KMT2D: variants seen among roughly 807,000 people sequenced by gnomAD.
The protein encoded by KMT2D is lysine methyltransferase 2D.
In KMT2D, 55 loss-of-function variants were observed where a neutral mutation model predicts 512.7. The observed-to-expected ratio is 0.11, with a 90% CI of 0.09 to 0.13. The LOEUF (loss-of-function observed/expected upper bound fraction) is 0.13, where lower values mean the gene tolerates loss of function less well. Ranked by LOEUF, KMT2D falls within the 10% of genes least tolerant of loss-of-function variation. The pLI, the probability that KMT2D is intolerant of heterozygous loss-of-function variation, is 1.00. For synonymous variants in KMT2D, 2,995 were observed against 2,904.0 expected, an observed-to-expected ratio of 1.03 and a Z score of -1.01; for missense variants, 6,061 against 7,127.9, an observed-to-expected ratio of 0.85 and a Z score of 5.39.
Position 49,032,425 on chromosome 12 carries a change from G to A in KMT2D, c.12280C>T (p.Pro4094Ser), listed in dbSNP as rs1942966285. 3.8e-6 allele frequency: 6 copies of A among 1,583,484 alleles called. No individual in the cohort carries two copies. The highest frequency in any genetic ancestry group is 5.2e-6 in the Non-Finnish European group (6 of 1,164,824). ...PQPSSLQLQP[P>S]LRLPGQQQQQ... Reference sequence around the variant, plus strand: ...TGCTGTTGTCCTGGAAGCCTCAGAGGTGGCTGCAGCTGCAGAGAGCTGGGC... The same window carrying A: ...TGCTGTTGTCCTGGAAGCCTCAGAGATGGCTGCAGCTGCAGAGAGCTGGGC... The change falls in exon 40 of 55, where the codon CCT becomes TCT. Residue 4094 changes from proline (P) to serine (S), a missense_variant. By Grantham distance (74) the Pro-to-Ser change is moderately conservative. Coordinates refer to ENST00000301067, the MANE Select transcript of KMT2D (RefSeq NM_003482.4).
In KMT2D at chr12:49,028,938, A is replaced by C. The variant is rs1942746794; in HGVS notation, c.14272T>G (p.Tyr4758Asp). ...SIPVFPDTKP[Y>D]GALGLEVPGK... ...GGGACCTCCAGGCCAAGGGCCCCAT[A>C]AGGTTTGGTATCTGGGAAGACTGAA... The change falls in exon 46 of 55, where the codon TAT (tyrosine) becomes GAT (aspartate). Residue 4758 changes from tyrosine (Y) to aspartate (D), a missense_variant. By Grantham distance (160) the Tyr-to-Asp change is radical. Transcript: ENST00000301067. 6.2e-7 allele frequency: 1 copy of C among 1,613,810 alleles called. No individual in the cohort carries two copies. The highest frequency in any genetic ancestry group is 1.1e-5 in the South Asian group (1 of 91,094).
intron 12 of KMT2D, 104 bp downstream of exon 12, chr12:49,049,578 G>A (rs778196899): frequency 4.7e-4 from 599 of 1,271,984 alleles, no homozygotes; most frequent in Non-Finnish European, 6.0e-4. Context: ...GGATCTCCAA[G>A]TCTAGGATTC....
intron 2 of KMT2D, 83 bp from the exon 3 acceptor site, chr12:49,055,109 A>G: frequency 6.3e-7 from 1 of 1,586,574 alleles, no homozygotes; most frequent in Non-Finnish European, 8.6e-7. Flanking sequence ...GAGATTATCC[A>G]AAACCTGAGT....
Position 49,038,430 on chromosome 12 carries a change from G to A in KMT2D, c.8926C>T (p.Pro2976Ser), listed in dbSNP as rs1160104259. ...CCAGCTTCCAGGGCCAGAGGATTGGGGCGGCCAAGCTCAGTGCTCGACGGG... is the reference window on the plus strand; with the variant it reads ...CCAGCTTCCAGGGCCAGAGGATTGGAGCGGCCAAGCTCAGTGCTCGACGGG... Reference protein sequence around the residue: ...RPPSSTELGRPNPLALEAGKL... With the variant: ...RPPSSTELGRSNPLALEAGKL... Residue 2976 changes from proline to serine, a missense_variant, in exon 35 of 55, where the codon CCC (proline) becomes TCC (serine). This residue lies in a region of KMT2D where 527 missense variants were observed against 578.9 expected (regional missense o/e 0.91). Transcript: ENST00000301067. This position sits in a 1 kb window ranked among gnomAD's most constrained non-coding sequence, Gnocchi z 5.7. 1 of 1,613,210 alleles carries A rather than the reference G, an allele frequency of 6.2e-7. No homozygotes were observed. Among genetic ancestry groups the A allele is most frequent in the East Asian group, 2.2e-5 (1 of 44,876 alleles).
Position 49,050,952 on chromosome 12 carries a change from G to A in KMT2D, c.2731C>T (p.Leu911=), listed in dbSNP as rs751936279. 41 of 1,545,866 alleles carry A rather than the reference G, an allele frequency of 2.7e-5. 1 individual carries two copies. In the South Asian group the frequency reaches 4.9e-4, roughly 18 times the overall value. The part of the protein sequence containing the change: ...SEPGEPPLSP[L]PEELPLSPSG... ...GGGGACAACGGCAGCTCCTCGGGCA[G>A]AGGGGACAGAGGTGGTTCCCCAGGC... Residue 911 remains leucine (L), a synonymous_variant, in exon 11 of 55, where the codon CTG becomes TTG. Coordinates refer to ENST00000301067, the MANE Select transcript of KMT2D (RefSeq NM_003482.4).
In KMT2D at chr12:49,058,800, A is replaced by T. The variant is rs927398310; in HGVS notation, c.-38+813T>A. 2.4e-4 allele frequency among the ~76,000 whole-genome samples: 36 copies of T among 152,178 alleles called. 1 individual carries two copies. The highest frequency in any genetic ancestry group is 7.3e-5 in the Non-Finnish European group (5 of 68,028). On this transcript the variant is annotated intron_variant, in intron 1 of 54. Coordinates refer to ENST00000301067, the MANE Select transcript of KMT2D (RefSeq NM_003482.4). ...GACTCATGGGCAGCCAGCTCTCCAT[A>T]CCAGGCCGGGAGAAGGCAAAAGACA...
chr12:49,019,173 T>C lies in KMT2D; in HGVS notation c.*2607A>G, dbSNP rs1033718792. On this transcript the variant is annotated 3_prime_UTR_variant, in exon 55 of 55. Coordinates refer to ENST00000301067, the MANE Select transcript of KMT2D (RefSeq NM_003482.4). Reference sequence around the variant, plus strand: ...TAAAAAAGGGAACCATTTCATCCGTTGTTACGAAGGACCAACCTTGCTGTA... The same window carrying C: ...TAAAAAAGGGAACCATTTCATCCGTCGTTACGAAGGACCAACCTTGCTGTA... 2 of 1,116,570 alleles carry C rather than the reference T, an allele frequency of 1.8e-6. No homozygotes were observed. Among genetic ancestry groups the C allele is most frequent in the Non-Finnish European group, 2.2e-6 (2 of 908,092 alleles). 69.2% of individuals were successfully genotyped at this position (1,116,570 alleles called of 1,614,324 possible).
chr12:49,046,907 G>T lies in KMT2D; in HGVS notation c.4237-117C>A. ...GTTCCCCAGGCTGGAGTGCAATGGC[G>T]CGATCTCGGCTCACTGCAACCTCTG... On this transcript the variant is annotated intron_variant, in intron 15 of 54. Coordinates refer to ENST00000301067, the MANE Select transcript of KMT2D (RefSeq NM_003482.4). The surrounding 1 kb of genome is among the most constrained non-coding windows in gnomAD (Gnocchi z 4.2). The T allele has an allele frequency of 1.2e-6, 1 of 864,462 alleles. No individual in the cohort carries two copies. Among genetic ancestry groups the T allele is most frequent in the Non-Finnish European group, 1.7e-6 (1 of 572,700 alleles). The allele number at this position is 864,462 out of a possible 1,614,324, so 53.5% of individuals were successfully genotyped here. A position where few individuals can be genotyped will look rare whatever the true frequency, so the allele number is the denominator to read the frequency against.
chr12:49,040,976 C>T lies in KMT2D; in HGVS notation c.6794G>A (p.Gly2265Glu), dbSNP rs1943490521. 6.2e-7 allele frequency: 1 copy of T among 1,607,380 alleles called. No individual in the cohort carries two copies. Among genetic ancestry groups the T allele is most frequent in the Non-Finnish European group, 8.5e-7 (1 of 1,176,338 alleles). Reference sequence around the variant, plus strand: ...GAGCAGGGGCTCGGAAGCTTTGCCTCCCCCTACCCCAGGGCTCTCAGGCAC... The same window carrying T: ...GAGCAGGGGCTCGGAAGCTTTGCCTTCCCCTACCCCAGGGCTCTCAGGCAC... ...LAVPESPGVG[G>E]GKASEPLLSP... The change falls in exon 32 of 55, where the codon GGA becomes GAA. Residue 2265 changes from glycine (G) to glutamate (E), a missense_variant. By Grantham distance (98) the Gly-to-Glu change is moderately conservative (BLOSUM62 -2). This residue lies in a region of KMT2D where 710 missense variants were observed against 647.3 expected (regional missense o/e 1.10). Transcript: ENST00000301067.
Position 49,039,206 on chromosome 12 carries a change from C to A in KMT2D, c.8366+16G>T, listed in dbSNP as rs535509833. Reference sequence around the variant, plus strand: ...TCCCCCTTGGTTTACCCCCAGGGAACCTCCTGGAGCCTCACCGGCTGTTCA... The same window carrying A: ...TCCCCCTTGGTTTACCCCCAGGGAAACTCCTGGAGCCTCACCGGCTGTTCA... On this transcript the variant is annotated intron_variant, in intron 34 of 54. Transcript: ENST00000301067. The surrounding 1 kb of genome is among the most constrained non-coding windows in gnomAD (Gnocchi z 5.0). The A allele has an allele frequency of 6.2e-7, 1 of 1,612,732 alleles. No homozygotes were observed. The highest frequency in any genetic ancestry group is 8.5e-7 in the Non-Finnish European group (1 of 1,179,456).
chr12:49,027,410 A>T, intron 48 of KMT2D, 88 bp from the exon 49 acceptor site: 1 of 1,057,578 alleles, frequency 9.5e-7, no homozygotes. Context: ...CCCTCCCAAA[A>T]GGCCTCCACA....
Position 49,031,341 on chromosome 12 carries a change from C to A in KMT2D, c.13364G>T (p.Arg4455Leu), listed in dbSNP as rs372839823. 6.2e-7 allele frequency: 1 copy of A among 1,613,522 alleles called. No homozygotes were observed. The highest frequency in any genetic ancestry group is 1.7e-5 in the Admixed American group (1 of 60,024). The change falls in exon 40 of 55, where the codon CGC (arginine) becomes CTC (leucine). Residue 4455 changes from arginine to leucine, a missense_variant. Physicochemically the swap from Arg to Leu is moderately radical, Grantham distance 102. This residue lies in a region of KMT2D where 1,600 missense variants were observed against 1,754.9 expected (regional missense o/e 0.91). Coordinates refer to ENST00000301067, the MANE Select transcript of KMT2D (RefSeq NM_003482.4). ...TSNHLLLAGPRSEAGHLLLQK... is the reference protein window; with the variant it reads ...TSNHLLLAGPLSEAGHLLLQK... ...CAAGAGCAGATGCCCAGCTTCTGAGCGAGGGCCTGCCAGCAGGAGGTGGTT... is the reference window on the plus strand; with the variant it reads ...CAAGAGCAGATGCCCAGCTTCTGAGAGAGGGCCTGCCAGCAGGAGGTGGTT...
At chr12:49,025,210 C>T (rs150399829) in intron 49 of KMT2D, among the ~76,000 whole-genome samples, 1 of 152,302 alleles carries the variant, frequency 6.6e-6, no homozygotes, top group East Asian at 1.9e-4. Flanking sequence ...TGGAAGGTCC[C>T]TAGTGAAAGA....
At chr12:49,043,517 A>G (rs1943637553) in intron 24 of KMT2D, 89 bp from the exon 25 acceptor site, 3 of 1,588,586 alleles carry the variant, frequency 1.9e-6, no homozygotes, top group South Asian at 1.1e-5. Flanking sequence ...ACAGGCCAGG[A>G]CCCTTGACCC....
chr12:49,046,638 G>A lies in KMT2D; in HGVS notation c.4389C>T (p.Thr1463=), dbSNP rs372775501. ...HTYCLDPPLL[T]VPKGGWKCKW... ...TGCACTTCCAGCCGCCCTTGGGGAC[G>A]GTGAGCAGTGGGGGGTCCAGGCAGT... Residue 1463 remains threonine, a synonymous_variant, in exon 16 of 55, where the codon ACC becomes ACT. Coordinates refer to ENST00000301067, the MANE Select transcript of KMT2D (RefSeq NM_003482.4). The surrounding 1 kb of genome is among the most constrained non-coding windows in gnomAD (Gnocchi z 4.2). 295 of 1,613,220 alleles carry A rather than the reference G, an allele frequency of 1.8e-4. No individual in the cohort carries two copies. Among genetic ancestry groups the A allele is most frequent in the Non-Finnish European group, 2.4e-4 (287 of 1,179,398 alleles).
chr12:49,028,690 C>T (rs1565764997), intron 46 of KMT2D, 138 bp downstream of exon 46: 2 of 1,148,756 alleles, frequency 1.7e-6, no homozygotes, highest in Admixed American at 2.5e-5. Context: ...AATCTCACAG[C>T]CTCTAGCCCA....
At position 49,039,072 on chromosome 12, in the gene KMT2D, G is replaced by T; in HGVS notation, c.8367-83C>A. On this transcript the variant is annotated intron_variant, in intron 34 of 54. Transcript: ENST00000301067. This position sits in a 1 kb window ranked among gnomAD's most constrained non-coding sequence, Gnocchi z 5.0. ...GGGCTTAGGGCAGTGAGGAAGGATA[G>T]AATTAATGCAGTGAGGGAGAAAAGG... 1 of 1,515,026 alleles carries T rather than the reference G, an allele frequency of 6.6e-7. No homozygotes were observed. Among genetic ancestry groups the T allele is most frequent in the South Asian group, 1.2e-5 (1 of 86,366 alleles). The allele number at this position is 1,515,026 out of a possible 1,614,324, so 93.8% of individuals were successfully genotyped here.
rs2120513139 is a variant in KMT2D, at chr12:49,039,579, G to C, written c.8085C>G (p.Ile2695Met). The C allele has an allele frequency of 6.2e-7, 1 of 1,611,078 alleles. No individual in the cohort carries two copies. The highest frequency in any genetic ancestry group is 2.2e-5 in the East Asian group (1 of 44,880). The change falls in exon 33 of 55, where the codon ATC (isoleucine) becomes ATG (methionine). Residue 2695 changes from isoleucine (I) to methionine (M), a missense_variant. By Grantham distance (10) the Ile-to-Met change is conservative. Transcript: ENST00000301067. This position sits in a 1 kb window ranked among gnomAD's most constrained non-coding sequence, Gnocchi z 5.0. ...RLRELLIRQQ[I>M]QRNTLRQEKE... The stretch of plus-strand genomic sequence containing the variant: ...TCTCCTGCCGCAGGGTGTTGCGCTG[G>C]ATCTGCTGCCGAATCAGCAGCTCTC...
In KMT2D at chr12:49,022,453, T is replaced by C. The variant is rs1759282209; in HGVS notation, c.16339-100A>G. On this transcript the variant is annotated intron_variant, in intron 52 of 54. Transcript: ENST00000301067. This position sits in a 1 kb window ranked among gnomAD's most constrained non-coding sequence, Gnocchi z 8.6. ...GAGACTCAGGCAGTGGGGGCTTTTG[T>C]TGCATGTACTTCATTTCTCCTGCCT... 6.7e-7 allele frequency: 1 copy of C among 1,487,306 alleles called. No homozygotes were observed. The highest frequency in any genetic ancestry group is 9.3e-7 in the Non-Finnish European group (1 of 1,079,520). 92.1% of individuals were successfully genotyped at this position (1,487,306 alleles called of 1,614,324 possible).
Sources: allele counts gnomAD v4.1 joint callset (sites outside exome capture counted in the v4.1 genomes callset), GRCh38; gene constraint gnomAD v4.1.1; regional missense constraint gnomAD v4.1.1; non-coding constraint Gnocchi (gnomAD v3.1); transcripts MANE v1.5; gene names NCBI Gene and HGNC (gene_info 2026-07-23, HGNC 2026-07-21).